STK33: variants seen among roughly 807,000 people sequenced by gnomAD.
STK33 encodes the protein serine/threonine-protein kinase 33.
In STK33, 52 loss-of-function variants were observed where a neutral mutation model predicts 58.0. The ratio of observed to expected loss-of-function variants is 0.90; its 90% CI spans 0.72 to 1.13. The LOEUF (loss-of-function observed/expected upper bound fraction) is 1.13. STK33 is among the 50% of genes most tolerant of loss of function. STK33 has a pLI of 0.00. For missense variants in STK33, 630 were observed against 604.2 expected, an observed-to-expected ratio of 1.04 and a Z score of -0.45; for synonymous variants, 215 against 200.1, an observed-to-expected ratio of 1.07 and a Z score of -0.63.
At chr11:8,540,439 C>T (rs964359524) in intron 1 of STK33, among the ~76,000 whole-genome samples, 1 of 151,908 alleles carries the variant, frequency 6.6e-6, no homozygotes, top group African/African-American at 2.4e-5. Context: ...GATCATACCA[C>T]TGCACTCTAG....
chr11:8,404,184 T>TA (rs1938658778), intron 15 of STK33, among the ~76,000 whole-genome samples: 2 of 152,238 alleles, frequency 1.3e-5, no homozygotes, highest in South Asian at 4.1e-4. Context: ...TATAGACTTC[T>TA]AAGGTTACTT....
At chr11:8,582,439 G>A (rs1465695973) in intron 1 of STK33, among the ~76,000 whole-genome samples, 1 of 152,210 alleles carries the variant, frequency 6.6e-6, no homozygotes, top group Non-Finnish European at 1.5e-5. Flanking sequence ...GGAGGCCTCA[G>A]GAAACTTACA....
At chr11:8,471,873 C>A (rs1223723254) in intron 6 of STK33, among the ~76,000 whole-genome samples, 2 of 152,052 alleles carry the variant, frequency 1.3e-5, no homozygotes, top group Non-Finnish European at 2.9e-5. Context: ...TAATTTTTCA[C>A]AATGAACATA....
At chr11:8,368,029 G>A in the STK33 span, among the ~76,000 whole-genome samples, 2 of 152,080 alleles carry the variant, frequency 1.3e-5, no homozygotes, top group African/African-American at 2.4e-5. Flanking sequence ...GTGATGAAGC[G>A]GGACTGAGGG....
intron 1 of STK33, among the ~76,000 whole-genome samples, chr11:8,513,897 A>C (rs933525998): frequency 5.9e-5 from 9 of 152,142 alleles, no homozygotes; most frequent in African/African-American, 2.2e-4. Context: ...AGTGCTATCA[A>C]ATACGAGTTC....
At chr11:8,454,339 C>T (rs1027899394) in intron 10 of STK33, among the ~76,000 whole-genome samples, 1 of 152,080 alleles carries the variant, frequency 6.6e-6, no homozygotes, top group Non-Finnish European at 1.5e-5. Flanking sequence ...AATATTAATA[C>T]ACAGGAAAAT....
intron 14 of STK33, among the ~76,000 whole-genome samples, chr11:8,432,204 T>C (rs1790498953): frequency 6.6e-6 from 1 of 152,338 alleles, no homozygotes; most frequent in Admixed American, 6.5e-5. Context: ...CCTTAATTTA[T>C]AGCAGTGGCT....
chr11:8,353,208 G>A, the STK33 span, among the ~76,000 whole-genome samples: 2 of 152,194 alleles, frequency 1.3e-5, no homozygotes, highest in South Asian at 4.1e-4. Context: ...GATGACCTCA[G>A]GACCCAGGGC....
At chr11:8,402,359 A>C (rs36155078) in intron 15 of STK33, among the ~76,000 whole-genome samples, 3 of 151,364 alleles carry the variant, frequency 2.0e-5, no homozygotes, top group South Asian at 4.2e-4. Context: ...GCAAACTATC[A>C]CAAGGACAAA....
intron 1 of STK33, among the ~76,000 whole-genome samples, chr11:8,550,945 A>C (rs2140561665): frequency 6.6e-6 from 1 of 152,208 alleles, no homozygotes; most frequent in South Asian, 2.1e-4. Context: ...TTACAGTGTA[A>C]GTGTTCACAC....
intron 6 of STK33, among the ~76,000 whole-genome samples, chr11:8,469,901 TTTCAG>T (rs921323211): frequency 1.3e-5 from 2 of 152,224 alleles, no homozygotes; most frequent in African/African-American, 4.8e-5. Context: ...GGGCTTAAAA[TTTCAG>T]TAAACCATGC....
chr11:8,396,017 C>A (rs1037207970), intron 15 of STK33, among the ~76,000 whole-genome samples: 4 of 152,184 alleles, frequency 2.6e-5, no homozygotes, highest in South Asian at 2.1e-4. Context: ...ATCAGCCTAA[C>A]GCTGGCTACC....
intron 1 of STK33, among the ~76,000 whole-genome samples, chr11:8,561,355 C>T (rs116112979): frequency 0.016 from 2,412 of 152,272 alleles, 64 homozygotes; most frequent in African/African-American, 0.057. Context: ...AACTCAGACA[C>T]TGTTCAACTG....
At chr11:8,540,546 G>A (rs1955426543) in intron 1 of STK33, among the ~76,000 whole-genome samples, 1 of 152,024 alleles carries the variant, frequency 6.6e-6, no homozygotes, top group Non-Finnish European at 1.5e-5. Context: ...ATACACACAG[G>A]AATATTATTC....
intron 15 of STK33, among the ~76,000 whole-genome samples, chr11:8,406,769 T>C (rs1482877947): frequency 6.6e-6 from 1 of 152,158 alleles, no homozygotes; most frequent in African/African-American, 2.4e-5. Flanking sequence ...TATACAAACA[T>C]GTCATCTGCA....
intron 15 of STK33, among the ~76,000 whole-genome samples, chr11:8,397,030 C>G (rs1237828584): frequency 6.6e-6 from 1 of 152,246 alleles, no homozygotes; most frequent in Admixed American, 6.5e-5. Flanking sequence ...GACTCCACCT[C>G]TGGGGGCAGG....
intron 11 of STK33, among the ~76,000 whole-genome samples, chr11:8,451,767 T>G (rs1037457108): frequency 6.6e-6 from 1 of 152,216 alleles, no homozygotes; most frequent in African/African-American, 2.4e-5. Flanking sequence ...GATGCACAAA[T>G]ATCTTTTATG....
rs1947402353 is a variant in STK33, at chr11:8,460,626, A to G, written c.558+1179T>C. Among the ~76,000 whole-genome samples, 3 of 152,276 alleles carry G rather than the reference A, an allele frequency of 2.0e-5. 1 individual carries two copies. In the East Asian group the frequency reaches 5.8e-4, roughly 29 times the overall value. On this transcript the variant is annotated intron_variant, in intron 8 of 15. Transcript: ENST00000687296. ...AGGCAAATACAAATGTGAGGAAATA[A>G]TAGCCCCCAATTTCCTAAAATTGAT...
intron 1 of STK33, among the ~76,000 whole-genome samples, chr11:8,587,587 T>TAAAAA: frequency 7.1e-6 from 1 of 141,632 alleles, no homozygotes; most frequent in Non-Finnish European, 1.5e-5. Context: ...CAATGGAAGG[T>TAAAAA]AAAAAAAAAA....
Sources: gnomAD v4.1 joint callset for allele counts (sites outside exome capture counted in the v4.1 genomes callset) on GRCh38, gnomAD v4.1.1 for gene constraint, MANE v1.5 for transcripts, NCBI Gene and HGNC (gene_info 2026-07-23, HGNC 2026-07-21) for gene names.